CBFA2T2: variants seen among roughly 807,000 people sequenced by gnomAD.
CBFA2T2 encodes the protein protein CBFA2T2.
Under a neutral mutation model 62.2 loss-of-function variants are expected in CBFA2T2, and 11 were observed. That is an observed-to-expected ratio of 0.18 (90% CI 0.11 to 0.29). The LOEUF is 0.29. Ranked by LOEUF, CBFA2T2 falls within the 10% of genes least tolerant of loss-of-function variation. The pLI is 1.00. For synonymous variants in CBFA2T2, 295 were observed against 287.5 expected, an observed-to-expected ratio of 1.03 and a Z score of -0.27; for missense variants, 592 against 774.1, an observed-to-expected ratio of 0.76 and a Z score of 2.79.
chr20:33,599,155 G>A (rs2015015948), intron 1 of CBFA2T2, among the ~76,000 whole-genome samples: 1 of 152,150 alleles, frequency 6.6e-6, no homozygotes, highest in Non-Finnish European at 1.5e-5. Flanking sequence ...CCAGCTACTT[G>A]GGAAGCTGAG....
At position 33,574,086 on chromosome 20, in the gene CBFA2T2, T is replaced by C. The variant is rs1190494013; in HGVS notation, c.35-32870T>C. ...TTACAGGCAAGAGCCACCATACCAG[T>C]TCCTGTCTAGATATTATGATGAAGA... On this transcript the variant is annotated intron_variant, in intron 1 of 10. Coordinates refer to ENST00000342704, the MANE Select transcript of CBFA2T2 (RefSeq NM_001032999.3). 4.7e-6 allele frequency: 7 copies of C among 1,492,848 alleles called. No homozygotes were observed. The African/African-American group carries it at 9.9e-5, about 21-fold the overall frequency. The allele number at this position is 1,492,848 out of a possible 1,614,324, so 92.5% of individuals were successfully genotyped here. A position where few individuals can be genotyped will look rare whatever the true frequency, so the allele number is the denominator to read the frequency against.
chr20:33,643,480 G>A (rs1169813670), intron 10 of CBFA2T2, among the ~76,000 whole-genome samples: 1 of 148,528 alleles, frequency 6.7e-6, no homozygotes, highest in East Asian at 2.1e-4. Flanking sequence ...GGAGGCTAAG[G>A]TGGGAGTGTG....
chr20:33,623,863 C>T, intron 5 of CBFA2T2: 1 of 716,592 alleles, frequency 1.4e-6, no homozygotes, highest in African/African-American at 1.8e-5. Flanking sequence ...CGGTAAGAAA[C>T]TCTACTCTAG....
intron 3 of CBFA2T2, among the ~76,000 whole-genome samples, chr20:33,612,996 A>T (rs934817680): frequency 6.6e-6 from 1 of 152,222 alleles, no homozygotes; most frequent in African/African-American, 2.4e-5. Flanking sequence ...TTGAGGTGGG[A>T]GGATTCCTTG....
chr20:33,621,392 G>A (rs1001978748), intron 4 of CBFA2T2, among the ~76,000 whole-genome samples: 16 of 146,146 alleles, frequency 1.1e-4, no homozygotes, highest in African/African-American at 4.1e-4. Context: ...TGCCTCCCGA[G>A]TTCAAGCGAT....
intron 1 of CBFA2T2, among the ~76,000 whole-genome samples, chr20:33,561,574 T>G (rs189627552): frequency 6.6e-6 from 1 of 152,324 alleles, no homozygotes; most frequent in East Asian, 1.9e-4. Context: ...TATTATATGC[T>G]AGCTCTTTGA....
intron 8 of CBFA2T2, among the ~76,000 whole-genome samples, chr20:33,633,678 G>A (rs2016532984): frequency 6.6e-6 from 1 of 152,180 alleles, no homozygotes; most frequent in South Asian, 2.1e-4. Context: ...GCTTATCACA[G>A]AGATCAGGAG....
At chr20:33,533,180 G>C (rs2146871217) in intron 1 of CBFA2T2, among the ~76,000 whole-genome samples, 1 of 152,132 alleles carries the variant, frequency 6.6e-6, no homozygotes. Flanking sequence ...TGTACAGTTT[G>C]CTCAGGTTTG....
intron 6 of CBFA2T2, among the ~76,000 whole-genome samples, chr20:33,625,890 C>T (rs1426334883): frequency 6.6e-6 from 1 of 152,142 alleles, no homozygotes; most frequent in African/African-American, 2.4e-5. Flanking sequence ...ATCATGAGGT[C>T]AGGAGATGGA....
chr20:33,579,554 CTT>C (rs76190498), intron 1 of CBFA2T2, among the ~76,000 whole-genome samples: 23 of 125,298 alleles, frequency 1.8e-4, no homozygotes, highest in Non-Finnish European at 2.2e-4. Context: ...CATCACGAAT[CTT>C]TTTTTTTTTT....
intron 1 of CBFA2T2, among the ~76,000 whole-genome samples, chr20:33,542,172 A>C (rs1249865340): frequency 2.0e-5 from 3 of 152,236 alleles, no homozygotes; most frequent in Non-Finnish European, 4.4e-5. Flanking sequence ...CAAGTTCCTC[A>C]GATGAGCTTG....
chr20:33,566,566 A>G (rs1191849351), intron 1 of CBFA2T2, among the ~76,000 whole-genome samples: 1 of 152,004 alleles, frequency 6.6e-6, no homozygotes, highest in Non-Finnish European at 1.5e-5. Context: ...AGATCATGCC[A>G]CTGTACTCCA....
intron 1 of CBFA2T2, among the ~76,000 whole-genome samples, chr20:33,559,193 T>TTTTTTTTTTTTTTTTTTTTTTTTTTC (rs1555835221): frequency 6.9e-6 from 1 of 143,928 alleles, no homozygotes; most frequent in African/African-American, 2.8e-5. Flanking sequence ...TTTTTTTTTT[T>TTTTTTTTTTTTTTTTTTTTTTTTTTC]CTGAGATGGA....
intron 1 of CBFA2T2, among the ~76,000 whole-genome samples, chr20:33,503,932 GCAGTTGTAATCATCAAA>G (rs1389832651): frequency 6.6e-6 from 1 of 151,466 alleles, no homozygotes; most frequent in Non-Finnish European, 1.5e-5. Context: ...TTATTAGTAT[GCAGTTGTAATCATCAAA>G]CCAGATAGAG....
chr20:33,510,499 C>T (rs548513313), intron 1 of CBFA2T2, among the ~76,000 whole-genome samples: 1 of 152,102 alleles, frequency 6.6e-6, no homozygotes, highest in Non-Finnish European at 1.5e-5. Flanking sequence ...GCGTGAGCCA[C>T]CACGCCCGGC....
chr20:33,513,178 A>C (rs147269618), intron 1 of CBFA2T2, among the ~76,000 whole-genome samples: 210 of 152,274 alleles, frequency 1.4e-3, no homozygotes, highest in African/African-American at 4.8e-3. Flanking sequence ...CTATCAGCCA[A>C]TGCTTGCATC....
intron 1 of CBFA2T2, among the ~76,000 whole-genome samples, chr20:33,558,153 A>C (rs2012967437): frequency 7.5e-6 from 1 of 133,620 alleles, no homozygotes; most frequent in Non-Finnish European, 1.6e-5. Context: ...TTTTTTTTTG[A>C]GACTCTGTCT....
At chr20:33,593,252 A>G (rs2014738351) in intron 1 of CBFA2T2, among the ~76,000 whole-genome samples, 1 of 152,040 alleles carries the variant, frequency 6.6e-6, no homozygotes. Flanking sequence ...GAATTGCTTG[A>G]ACCCAGGAGG....
chr20:33,535,156 G>A (rs970874495), intron 1 of CBFA2T2, among the ~76,000 whole-genome samples: 1 of 152,238 alleles, frequency 6.6e-6, no homozygotes, highest in African/African-American at 2.4e-5. Flanking sequence ...TAAAAGTTGA[G>A]GCTGTGGTTG....
Sources: allele counts gnomAD v4.1 joint callset (sites outside exome capture counted in the v4.1 genomes callset), GRCh38; gene constraint gnomAD v4.1.1; transcripts MANE v1.5; gene names NCBI Gene and HGNC (gene_info 2026-07-23, HGNC 2026-07-21).